The following FARP1 variants were observed in gnomAD, a reference collection of about 807,000 sequenced individuals.
The protein encoded by FARP1 is FERM, ARH/RhoGEF and pleckstrin domain protein 1.
In FARP1, 52 loss-of-function variants were observed where a neutral mutation model predicts 128.8. The observed-to-expected ratio is 0.40, with a 90% confidence interval of 0.32 to 0.51. The LOEUF (loss-of-function observed/expected upper bound fraction) is 0.51. FARP1 is among the 20% of genes least tolerant of loss of function. FARP1 has a pLI of 0.45. For missense variants in FARP1, 1,333 were observed against 1,367.9 expected (o/e 0.97, Z 0.40); for synonymous variants, 580 against 551.8 (o/e 1.05, Z -0.72).
intron 3 of FARP1, chr13:98,345,419 G>T (rs756752996): frequency 1.3e-5 from 2 of 152,188 alleles, no homozygotes; most frequent in Non-Finnish European, 2.9e-5. Flanking sequence ...CAAGTTCAGC[G>T]TCTCTTCTGT....
intron 5 of FARP1, among the ~76,000 whole-genome samples, chr13:98,372,275 CG>C (rs766864425): frequency 9.9e-5 from 15 of 151,798 alleles, no homozygotes; most frequent in Non-Finnish European, 1.8e-4. Flanking sequence ...TTAGTAGAGA[CG>C]GGGTTTCACC....
In FARP1 at chr13:98,149,729, C is replaced by CTT. The variant is rs71120307; in HGVS notation, c.-24+6262_-24+6263dup. 3.0e-3 allele frequency among the ~76,000 whole-genome samples: 156 copies of CTT among 52,418 alleles called. 27 individuals are homozygous for CTT. The highest frequency in any genetic ancestry group is 5.5e-3 in the African/African-American group (81 of 14,786). The allele number at this position is 52,418 out of a possible 152,430, so 34.4% of individuals were successfully genotyped here. On this transcript the variant is annotated intron_variant, in intron 1 of 26. Coordinates refer to ENST00000319562, the MANE Select transcript of FARP1 (RefSeq NM_005766.4). ...TTTGTGAGTGTCTGTTAGATATTTACTTTTTTTTTTTTTTTTTTTTTTTTT... is the reference window on the plus strand; with the variant it reads ...TTTGTGAGTGTCTGTTAGATATTTACTTTTTTTTTTTTTTTTTTTTTTTTTTT...
At chr13:98,444,965 T>C (rs1892730850) in intron 24 of FARP1, among the ~76,000 whole-genome samples, 2 of 152,116 alleles carry the variant, frequency 1.3e-5, no homozygotes, top group Admixed American at 1.3e-4. Flanking sequence ...GGGAGGAGGA[T>C]GGATGGCTGG....
Position 98,176,018 on chromosome 13 carries a change from A to C in FARP1, c.-24+32526A>C. The stretch of plus-strand genomic sequence containing the variant: ...TTTTGCAAATAATTCTGCAGTGAAC[A>C]TGGGAGTGCACATACCTCTTTGAGA... On this transcript the variant is annotated intron_variant, in intron 1 of 26. Transcript: ENST00000319562. This position sits in a 1 kb window ranked among gnomAD's most constrained non-coding sequence, Gnocchi z 6.2. 1 of 741,740 alleles carries C rather than the reference A, an allele frequency of 1.3e-6. No individual in the cohort carries two copies. Among genetic ancestry groups the C allele is most frequent in the African/African-American group, 1.8e-5 (1 of 56,750 alleles). The allele number at this position is 741,740 out of a possible 1,614,324, so 45.9% of individuals were successfully genotyped here.
Position 98,204,303 on chromosome 13 carries a change from T to G in FARP1, c.-23-8917T>G, listed in dbSNP as rs544019414. The stretch of plus-strand genomic sequence containing the variant: ...TGTATAATTTGCATTTCCTAATGAT[T>G]AATGATGTTGAACATCTTTTCATGT... On this transcript the variant is annotated intron_variant, in intron 1 of 26. Coordinates refer to ENST00000319562, the MANE Select transcript of FARP1 (RefSeq NM_005766.4). 5 of 152,368 alleles carry G rather than the reference T, an allele frequency of 3.3e-5. No individual in the cohort carries two copies. The East Asian group carries it at 9.6e-4, about 29-fold the overall frequency. The allele number at this position is 152,368 out of a possible 1,614,324, so 9.4% of individuals were successfully genotyped here. A position where few individuals can be genotyped will look rare whatever the true frequency, so the allele number is the denominator to read the frequency against.
At chr13:98,292,889 T>C (rs545753035) in intron 2 of FARP1, among the ~76,000 whole-genome samples, 2 of 152,230 alleles carry the variant, frequency 1.3e-5, no homozygotes, top group East Asian at 1.9e-4. Context: ...ACAGTAACAG[T>C]GTACTGAGCT....
At chr13:98,341,687 T>G (rs1247908216) in intron 2 of FARP1, among the ~76,000 whole-genome samples, 1 of 152,164 alleles carries the variant, frequency 6.6e-6, no homozygotes, top group Non-Finnish European at 1.5e-5. Flanking sequence ...TGAATGGCAA[T>G]GTCGTGAAAG....
chr13:98,345,447 C>T (rs1196401202), intron 3 of FARP1: 1 of 152,230 alleles, frequency 6.6e-6, no homozygotes, highest in African/African-American at 2.4e-5. Flanking sequence ...AGGTGCTTCT[C>T]TTTTGCTAGA....
intron 6 of FARP1, chr13:98,381,410 C>T (rs1889883310): frequency 6.6e-6 from 1 of 152,216 alleles, no homozygotes; most frequent in South Asian, 2.1e-4. Flanking sequence ...CTGCTGTCGT[C>T]TTATTTTCCT....
chr13:98,215,394 T>C (rs1055044407), intron 2 of FARP1, among the ~76,000 whole-genome samples: 14 of 152,216 alleles, frequency 9.2e-5, no homozygotes, highest in African/African-American at 2.7e-4. Context: ...ACTTTACTCA[T>C]ATACCTGTCA....
In FARP1 at chr13:98,197,366, T is replaced by G. The variant is rs1008434912; in HGVS notation, c.-23-15854T>G. On this transcript the variant is annotated intron_variant, in intron 1 of 26. Coordinates refer to ENST00000319562, the MANE Select transcript of FARP1 (RefSeq NM_005766.4). Reference sequence around the variant, plus strand: ...CTGTAATCCCAGCTACTCGGGAGGCTGAGGCAGGAGAATTGCTTGAACCTG... The same window carrying G: ...CTGTAATCCCAGCTACTCGGGAGGCGGAGGCAGGAGAATTGCTTGAACCTG... 2.6e-5 allele frequency among the ~76,000 whole-genome samples: 4 copies of G among 151,912 alleles called. No individual in the cohort carries two copies. In the South Asian group the frequency reaches 6.2e-4, roughly 24 times the overall value.
At chr13:98,425,286 A>G (rs993437825) in intron 17 of FARP1, among the ~76,000 whole-genome samples, 3 of 151,858 alleles carry the variant, frequency 2.0e-5, no homozygotes, top group African/African-American at 7.2e-5. Flanking sequence ...TCTAATAACC[A>G]TGACAAAAAT....
At chr13:98,305,876 C>G (rs900823086) in intron 2 of FARP1, among the ~76,000 whole-genome samples, 4 of 149,506 alleles carry the variant, frequency 2.7e-5, no homozygotes, top group African/African-American at 9.9e-5. Flanking sequence ...TTTTTTCTTG[C>G]ACTTTCATCT....
chr13:98,327,990 T>G (rs1046111994), intron 2 of FARP1, among the ~76,000 whole-genome samples: 1 of 152,152 alleles, frequency 6.6e-6, no homozygotes, highest in African/African-American at 2.4e-5. Context: ...GCGATTGAGA[T>G]TCACGGTCCC....
intron 2 of FARP1, among the ~76,000 whole-genome samples, chr13:98,301,562 C>A (rs1449406201): frequency 6.6e-6 from 1 of 152,154 alleles, no homozygotes; most frequent in African/African-American, 2.4e-5. Context: ...TTGTTTATGT[C>A]TTTCTACATT....
At chr13:98,157,766 A>G (rs1876592527) in intron 1 of FARP1, among the ~76,000 whole-genome samples, 1 of 152,248 alleles carries the variant, frequency 6.6e-6, no homozygotes, top group Non-Finnish European at 1.5e-5. Context: ...AGCAACTTCT[A>G]CTTAAGTATT....
rs1555341971 is a variant in FARP1 at position 98,378,909 on chromosome 13, AAT to A, written c.496+1001_496+1002del. Among the ~76,000 whole-genome samples, 13 of 82,498 alleles carry A rather than the reference AAT, an allele frequency of 1.6e-4. 1 individual carries two copies. Among genetic ancestry groups the A allele is most frequent in the East Asian group, 3.9e-4 (1 of 2,578 alleles). The allele number at this position is 82,498 out of a possible 152,430, so 54.1% of individuals were successfully genotyped here. A position where few individuals can be genotyped will look rare whatever the true frequency, so the allele number is the denominator to read the frequency against. ...GTGCCAGCACTATATATATATATAT[AAT>A]ATATATATAATATATACAATATATA... is the stretch of plus-strand genomic sequence containing the variant. On this transcript the variant is annotated intron_variant, in intron 6 of 26. Coordinates refer to ENST00000319562, the MANE Select transcript of FARP1 (RefSeq NM_005766.4).
chr13:98,244,540 G>A (rs202191323), intron 2 of FARP1: 144 of 1,614,058 alleles, frequency 8.9e-5, no homozygotes, highest in Admixed American at 1.3e-4. Flanking sequence ...TCCTGGACGG[G>A]TTGGGTACTG....
intron 2 of FARP1, among the ~76,000 whole-genome samples, chr13:98,340,271 G>C (rs531586896): frequency 6.6e-6 from 1 of 152,282 alleles, no homozygotes; most frequent in South Asian, 2.1e-4. Context: ...TAAGAGTTAT[G>C]AGAAAGAAGG....
Sources: allele counts gnomAD v4.1 joint callset (sites outside exome capture counted in the v4.1 genomes callset), GRCh38; gene constraint gnomAD v4.1.1; non-coding constraint Gnocchi (gnomAD v3.1); transcripts MANE v1.5; gene names NCBI Gene and HGNC (gene_info 2026-07-23, HGNC 2026-07-21).